Variants in MAST2 observed in about 807,000 individuals in gnomAD.
MAST2 encodes the protein microtubule-associated serine/threonine-protein kinase 2.
In MAST2, 70 loss-of-function variants were observed where a neutral mutation model predicts 147.4. The observed-to-expected ratio is 0.47, with a 90% CI of 0.39 to 0.58. MAST2 has a LOEUF of 0.58. MAST2 is among the 20% of genes least tolerant of loss of function. MAST2 has a pLI of 0.00. For missense variants in MAST2, 2,080 were observed against 2,302.3 expected (o/e 0.90, Z 1.98); for synonymous variants, 869 against 896.8 (o/e 0.97, Z 0.55).
chr1:45,852,977 C>CTGGA (rs1037968755), intron 3 of MAST2, among the ~76,000 whole-genome samples: 1 of 152,120 alleles, frequency 6.6e-6, no homozygotes, highest in Non-Finnish European at 1.5e-5. Flanking sequence ...GTCACCCAGG[C>CTGGA]TGGAGTGCAG....
intron 4 of MAST2, among the ~76,000 whole-genome samples, 170 bp from the exon 5 acceptor site, chr1:45,959,216 C>CT (rs1660058997): frequency 6.6e-6 from 1 of 152,174 alleles, no homozygotes; most frequent in Non-Finnish European, 1.5e-5. Context: ...GAACACAGTG[C>CT]TTTATGGAAT....
chr1:46,024,353 T>G (rs1050336625), intron 15 of MAST2: 1 of 260,926 alleles, frequency 3.8e-6, no homozygotes, highest in African/African-American at 2.2e-5. Context: ...AGGAAAGCCA[T>G]TAATTACCCT....
chr1:45,955,250 G>C (rs1659488839), intron 4 of MAST2, among the ~76,000 whole-genome samples: 1 of 152,092 alleles, frequency 6.6e-6, no homozygotes. Context: ...ATCTGCAGAT[G>C]CCCAAGTCTC....
chr1:45,980,193 G>A (rs967862603), intron 5 of MAST2, among the ~76,000 whole-genome samples: 26 of 148,670 alleles, frequency 1.7e-4, no homozygotes, highest in African/African-American at 6.2e-4. Flanking sequence ...GCTGAGGCAG[G>A]AGAGTCGCTT....
chr1:45,969,291 T>C (rs970570496), intron 5 of MAST2, among the ~76,000 whole-genome samples: 2 of 152,170 alleles, frequency 1.3e-5, no homozygotes, highest in African/African-American at 4.8e-5. Flanking sequence ...AAAGTAGCTG[T>C]GATAAATAGG....
intron 1 of MAST2, among the ~76,000 whole-genome samples, chr1:45,814,024 C>G (rs923694011): frequency 2.0e-5 from 3 of 152,148 alleles, no homozygotes; most frequent in African/African-American, 7.2e-5. Context: ...CATTGTAGTG[C>G]AACACATTAC....
chr1:45,979,626 C>G (rs1644318221), intron 5 of MAST2, among the ~76,000 whole-genome samples: 1 of 152,098 alleles, frequency 6.6e-6, no homozygotes, highest in Non-Finnish European at 1.5e-5. Flanking sequence ...TTGCTTGAGA[C>G]CAGCCTGGAC....
intron 4 of MAST2, among the ~76,000 whole-genome samples, chr1:45,920,904 C>G (rs896701786): frequency 2.0e-5 from 3 of 152,100 alleles, no homozygotes; most frequent in African/African-American, 4.8e-5. Flanking sequence ...GATGAAGACA[C>G]TGTAGTACAG....
intron 5 of MAST2, among the ~76,000 whole-genome samples, chr1:45,984,829 G>A (rs1229770229): frequency 6.6e-6 from 1 of 151,906 alleles, no homozygotes; most frequent in Non-Finnish European, 1.5e-5. Context: ...CTCCAGCCTG[G>A]GTGGCAGAGC....
chr1:45,892,406 C>G (rs998381365), intron 4 of MAST2, among the ~76,000 whole-genome samples: 2 of 152,168 alleles, frequency 1.3e-5, no homozygotes, highest in Admixed American at 6.6e-5. Flanking sequence ...AGAAAATGGA[C>G]ATTAAAATAA....
chr1:45,918,564 A>T (rs1652932997), intron 4 of MAST2, among the ~76,000 whole-genome samples: 1 of 152,096 alleles, frequency 6.6e-6, no homozygotes, highest in Non-Finnish European at 1.5e-5. Context: ...CAGCCTCCCG[A>T]GTAGCTGGGA....
intron 3 of MAST2, among the ~76,000 whole-genome samples, chr1:45,879,500 G>A (rs919990483): frequency 4.0e-5 from 6 of 151,346 alleles, no homozygotes; most frequent in African/African-American, 1.5e-4. Flanking sequence ...TTGAACCCAG[G>A]AGGTGGAGGT....
chr1:45,911,864 A>G (rs1408067292), intron 4 of MAST2, among the ~76,000 whole-genome samples: 1 of 93,408 alleles, frequency 1.1e-5, no homozygotes, highest in African/African-American at 3.1e-5. Flanking sequence ...TATTATTATT[A>G]TTATTATTAT....
chr1:45,810,473 A>G (rs770349438), intron 1 of MAST2, among the ~76,000 whole-genome samples: 5 of 152,160 alleles, frequency 3.3e-5, no homozygotes, highest in Non-Finnish European at 7.3e-5. Flanking sequence ...ATGCTAGGTT[A>G]GAGATTAAAG....
chr1:45,877,661 C>T (rs1379445361), intron 3 of MAST2, among the ~76,000 whole-genome samples: 1 of 151,906 alleles, frequency 6.6e-6, no homozygotes, highest in Non-Finnish European at 1.5e-5. Flanking sequence ...AGTTTCTAGG[C>T]CTAGATACTT....
At chr1:45,908,889 C>CT (rs1183927797) in intron 4 of MAST2, among the ~76,000 whole-genome samples, 1 of 152,094 alleles carries the variant, frequency 6.6e-6, no homozygotes, top group Non-Finnish European at 1.5e-5. Context: ...TCTGGGTTTT[C>CT]TTTCTTGCAT....
chr1:46,018,068 G>A (rs1418049399), intron 10 of MAST2, among the ~76,000 whole-genome samples: 5 of 151,996 alleles, frequency 3.3e-5, no homozygotes, highest in Admixed American at 1.3e-4. Flanking sequence ...GCCACCTCTC[G>A]GTGGAGCACA....
intron 3 of MAST2, among the ~76,000 whole-genome samples, chr1:45,842,657 T>C (rs1307512728): frequency 1.3e-5 from 2 of 152,228 alleles, no homozygotes; most frequent in African/African-American, 4.8e-5. Context: ...GGTTGAATAA[T>C]ATCTCGTTGT....
chr1:45,833,588 T>C (rs1224801081), intron 3 of MAST2, among the ~76,000 whole-genome samples: 1 of 152,216 alleles, frequency 6.6e-6, no homozygotes, highest in Non-Finnish European at 1.5e-5. Context: ...ATTTAATCAT[T>C]TGAAGAACTT....
Sources: gnomAD v4.1 joint callset for allele counts (sites outside exome capture counted in the v4.1 genomes callset) on GRCh38, gnomAD v4.1.1 for gene constraint, MANE v1.5 for transcripts, NCBI Gene and HGNC (gene_info 2026-07-23, HGNC 2026-07-21) for gene names.